The following CSMD3 variants were observed in gnomAD, a reference collection of about 807,000 sequenced individuals.
The protein encoded by CSMD3 is CUB and Sushi multiple domains 3, also known as CUB and sushi domain-containing protein 3.
Under a neutral mutation model 435.2 loss-of-function variants are expected in CSMD3, and 177 were observed. That is an observed-to-expected ratio of 0.41 (90% CI 0.36 to 0.46). The LOEUF (loss-of-function observed/expected upper bound fraction) is 0.46. Ranked by LOEUF, CSMD3 falls within the 20% of genes least tolerant of loss-of-function variation. The pLI is 0.34. For synonymous variants in CSMD3, 1,656 were observed against 1,520.5 expected, an observed-to-expected ratio of 1.09 and a Z score of -2.07; for missense variants, 4,265 against 4,504.6, an observed-to-expected ratio of 0.95 and a Z score of 1.52.
intron 3 of CSMD3, among the ~76,000 whole-genome samples, chr8:113,239,621 T>TGTTAACATGG (rs2093190691): frequency 6.6e-6 from 1 of 152,006 alleles, no homozygotes; most frequent in African/African-American, 2.4e-5. Flanking sequence ...GTAACAAGTA[T>TGTTAACATGG]CTAAATATGT....
chr8:112,742,068 C>T (rs1181971283), intron 13 of CSMD3, among the ~76,000 whole-genome samples: 1 of 151,820 alleles, frequency 6.6e-6, no homozygotes, highest in Non-Finnish European at 1.5e-5. Flanking sequence ...CACTGAGATG[C>T]TCAGGGTGTA....
intron 32 of CSMD3, among the ~76,000 whole-genome samples, chr8:112,424,003 T>C (rs112520421): frequency 5.9e-5 from 9 of 152,226 alleles, no homozygotes; most frequent in South Asian, 2.1e-4. Context: ...TTCATACTTA[T>C]ACACGCAAAT....
intron 11 of CSMD3, among the ~76,000 whole-genome samples, chr8:112,847,505 T>C (rs766904515): frequency 7.9e-5 from 12 of 152,174 alleles, no homozygotes; most frequent in African/African-American, 1.2e-4. Context: ...AACTTCCTTC[T>C]TGTCCTGCCT....
At chr8:112,964,115 C>T (rs2084331338) in intron 7 of CSMD3, among the ~76,000 whole-genome samples, 1 of 151,754 alleles carries the variant, frequency 6.6e-6, no homozygotes, top group South Asian at 2.1e-4. Flanking sequence ...AAAATTATCG[C>T]CCCTTTCAAA....
In CSMD3 at chr8:112,685,614, C is replaced by A. The variant is rs367583661; in HGVS notation, c.2274G>T (p.Arg758=). 5 of 1,613,736 alleles carry A rather than the reference C, an allele frequency of 3.1e-6. No homozygotes were observed. ...IWTIISDPGS[R]IHLSFNDFDL... is the part of the protein sequence containing the mutation. ...CAAAGTCATTGAAAGAAAGATGTAT[C>A]CGGCTCCCTGGATCAGAGATTATCG... The change falls in exon 15 of 71, where the codon CGG becomes CGT. Residue 758 remains arginine, a synonymous_variant. Coordinates refer to ENST00000297405, the MANE Select transcript of CSMD3 (RefSeq NM_198123.2).
chr8:112,615,026 T>A (rs1463074437), intron 22 of CSMD3, among the ~76,000 whole-genome samples: 1 of 151,982 alleles, frequency 6.6e-6, no homozygotes, highest in African/African-American at 2.4e-5. Context: ...TGTACTCATA[T>A]CTTCTAGGGC....
At chr8:112,844,227 C>T (rs2080256652) in intron 11 of CSMD3, among the ~76,000 whole-genome samples, 1 of 151,994 alleles carries the variant, frequency 6.6e-6, no homozygotes, top group Non-Finnish European at 1.5e-5. Context: ...GTAATAAAAT[C>T]ATGAGTTTTT....
At chr8:112,689,587 A>G (rs2131822063) in intron 14 of CSMD3, among the ~76,000 whole-genome samples, 1 of 152,160 alleles carries the variant, frequency 6.6e-6, no homozygotes, top group East Asian at 1.9e-4. Context: ...TTCCATAAGA[A>G]GTATGCTCTC....
At chr8:113,357,045 GA>G (rs903672721) in intron 1 of CSMD3, among the ~76,000 whole-genome samples, 1 of 151,726 alleles carries the variant, frequency 6.6e-6, no homozygotes, top group Admixed American at 6.6e-5. Context: ...TCCCAGAAAT[GA>G]AAAAAATATA....
At chr8:112,314,352 A>T (rs1264573521) in intron 48 of CSMD3, 77 bp downstream of exon 48, 1 of 1,078,566 alleles carries the variant, frequency 9.3e-7, no homozygotes, top group South Asian at 1.3e-5. Context: ...GCAGCTGTTT[A>T]TACTCAAAGT....
chr8:113,422,626 A>G (rs1246473010), intron 1 of CSMD3, among the ~76,000 whole-genome samples: 1 of 152,132 alleles, frequency 6.6e-6, no homozygotes, highest in Non-Finnish European at 1.5e-5. Context: ...GGGTAGAAAC[A>G]AGACCCTATC....
intron 13 of CSMD3, among the ~76,000 whole-genome samples, chr8:112,759,664 C>G (rs1025139647): frequency 2.0e-5 from 3 of 152,038 alleles, no homozygotes; most frequent in Non-Finnish European, 2.9e-5. Context: ...ATTAATGTAT[C>G]AAGTACCATA....
At chr8:112,319,590 G>A (rs1822796706) in intron 46 of CSMD3, among the ~76,000 whole-genome samples, 1 of 152,052 alleles carries the variant, frequency 6.6e-6, no homozygotes. Context: ...AAAGAACAAA[G>A]GTTAGAACTA....
At chr8:113,070,119 C>A (rs1373521015) in intron 5 of CSMD3, among the ~76,000 whole-genome samples, 3 of 151,994 alleles carry the variant, frequency 2.0e-5, no homozygotes, top group Non-Finnish European at 4.4e-5. Context: ...CCACATTTAG[C>A]ACTTTTTAGG....
chr8:112,233,858 A>G (rs112754481), intron 68 of CSMD3, among the ~76,000 whole-genome samples: 11 of 152,306 alleles, frequency 7.2e-5, no homozygotes, highest in African/African-American at 2.2e-4. Flanking sequence ...AGCAGCTCAC[A>G]TAAGTTCCTT....
At chr8:112,970,725 C>CT (rs761315288) in intron 7 of CSMD3, among the ~76,000 whole-genome samples, 2,692 of 138,648 alleles carry the variant, frequency 0.019, 35 homozygotes, top group African/African-American at 0.047. Context: ...GCTTTCTTTT[C>CT]TTTTTTTTTT....
intron 38 of CSMD3, among the ~76,000 whole-genome samples, chr8:112,366,664 C>T (rs1827808131): frequency 6.6e-6 from 1 of 152,308 alleles, no homozygotes. Flanking sequence ...TCCCAAAGTG[C>T]TGGGATTACA....
At chr8:112,944,659 C>A (rs1344940439) in intron 9 of CSMD3, among the ~76,000 whole-genome samples, 1 of 151,570 alleles carries the variant, frequency 6.6e-6, no homozygotes, top group African/African-American at 2.4e-5. Context: ...TTGTCAACAA[C>A]CTTCATGTTG....
At chr8:113,341,040 T>G (rs2094115310) in intron 1 of CSMD3, among the ~76,000 whole-genome samples, 1 of 152,104 alleles carries the variant, frequency 6.6e-6, no homozygotes, top group African/African-American at 2.4e-5. Flanking sequence ...TGATTTCTGT[T>G]TTTTAACATT....
Sources: gnomAD v4.1 joint callset for allele counts (sites outside exome capture counted in the v4.1 genomes callset) on GRCh38, gnomAD v4.1.1 for gene constraint, MANE v1.5 for transcripts, NCBI Gene and HGNC (gene_info 2026-07-23, HGNC 2026-07-21) for gene names.